RALGAPA1: variants seen among roughly 807,000 people sequenced by gnomAD.
RALGAPA1 encodes the protein Ral GTPase activating protein catalytic subunit alpha 1.
A neutral mutation model predicts 269.6 loss-of-function variants in RALGAPA1; 52 were observed. The observed-to-expected ratio is 0.19, with a 90% confidence interval of 0.15 to 0.24. RALGAPA1 has a LOEUF of 0.24. Among genes scored for constraint, RALGAPA1 ranks in the 10% least tolerant of loss-of-function variants. RALGAPA1 has a pLI of 1.00. For synonymous variants in RALGAPA1, 817 were observed against 1,008.3 expected (o/e 0.81, Z 3.60); for missense variants, 1,917 against 3,013.9 (o/e 0.64, Z 8.52).
At chr14:35,802,010 C>T (rs996557957) in intron 1 of RALGAPA1, among the ~76,000 whole-genome samples, 6 of 152,124 alleles carry the variant, frequency 3.9e-5, no homozygotes, top group African/African-American at 1.4e-4. Context: ...AAAGAATCTA[C>T]AAAAAACTAA....
chr14:35,565,541 G>T (rs1333430206), intron 39 of RALGAPA1, among the ~76,000 whole-genome samples: 1 of 152,040 alleles, frequency 6.6e-6, no homozygotes, highest in East Asian at 1.9e-4. Context: ...AGAGAATTCT[G>T]CCTTCAGACT....
At chr14:35,804,396 C>T (rs181583925) in intron 1 of RALGAPA1, among the ~76,000 whole-genome samples, 116 of 151,726 alleles carry the variant, frequency 7.6e-4, no homozygotes, top group African/African-American at 2.6e-3. Context: ...TGGTGAAACC[C>T]TGTCTCTACT....
chr14:35,781,475 T>C (rs2075421861), intron 1 of RALGAPA1, among the ~76,000 whole-genome samples: 1 of 152,114 alleles, frequency 6.6e-6, no homozygotes, highest in African/African-American at 2.4e-5. Flanking sequence ...AGGCCAATAT[T>C]CTCATATGAA....
intron 37 of RALGAPA1, among the ~76,000 whole-genome samples, chr14:35,590,346 CAA>C (rs891019456): frequency 3.3e-5 from 5 of 152,172 alleles, no homozygotes; most frequent in African/African-American, 1.2e-4. Flanking sequence ...AAAATGTAAA[CAA>C]AAGGCATAAA....
intron 16 of RALGAPA1, among the ~76,000 whole-genome samples, chr14:35,718,720 G>A (rs2140926974): frequency 6.6e-6 from 1 of 152,182 alleles, no homozygotes; most frequent in South Asian, 2.1e-4. Flanking sequence ...GGAGGCTGAG[G>A]CAGGAGAATT....
At chr14:35,613,873 T>C (rs1216686478) in intron 35 of RALGAPA1, among the ~76,000 whole-genome samples, 1 of 152,154 alleles carries the variant, frequency 6.6e-6, no homozygotes, top group Non-Finnish European at 1.5e-5. Flanking sequence ...AATAGGCATT[T>C]TTTCAAAGAA....
At chr14:35,667,672 T>C (rs1054452086) in intron 26 of RALGAPA1, among the ~76,000 whole-genome samples, 1 of 152,210 alleles carries the variant, frequency 6.6e-6, no homozygotes, top group Admixed American at 6.5e-5. Context: ...AGATCTAAAG[T>C]ACCTTTCTAA....
chr14:35,783,979 C>G (rs776588996), intron 1 of RALGAPA1, among the ~76,000 whole-genome samples: 1 of 151,948 alleles, frequency 6.6e-6, no homozygotes, highest in Non-Finnish European at 1.5e-5. Flanking sequence ...AATGATGAAG[C>G]CACTCTGGAA....
chr14:35,638,219 GA>G (rs2139787262), intron 31 of RALGAPA1, among the ~76,000 whole-genome samples: 1 of 152,228 alleles, frequency 6.6e-6, no homozygotes, highest in East Asian at 1.9e-4. Context: ...TATTGAAGTA[GA>G]AAGATGAAAA....
At chr14:35,560,342 CT>C (rs993764122) in intron 39 of RALGAPA1, among the ~76,000 whole-genome samples, 5 of 152,136 alleles carry the variant, frequency 3.3e-5, no homozygotes, top group African/African-American at 1.2e-4. Context: ...TACTGAACAC[CT>C]TTTATCTCTT....
chr14:35,562,708 T>C (rs1405641021), intron 39 of RALGAPA1, among the ~76,000 whole-genome samples: 3 of 151,946 alleles, frequency 2.0e-5, no homozygotes. Context: ...ACAAAAAATA[T>C]TTGGGGCTTT....
intron 35 of RALGAPA1, among the ~76,000 whole-genome samples, chr14:35,622,994 A>T (rs2060735184): frequency 6.6e-6 from 1 of 151,714 alleles, no homozygotes; most frequent in South Asian, 2.1e-4. Flanking sequence ...AGGCACATGA[A>T]TCACTTGAAC....
Position 35,642,384 on chromosome 14 carries a change from C to G in RALGAPA1, c.5677-6786G>C, listed in dbSNP as rs185456726. Among the ~76,000 whole-genome samples the G allele has an allele frequency of 3.7e-3, 569 of 152,112 alleles. 2 individuals are homozygous for G. The highest frequency in any genetic ancestry group is 0.013 in the African/African-American group (524 of 41,510). ...AACCAGAATATACAAGGAACTCAAACAACACTACAGAAAAAATTCTAACAA... is the reference window on the plus strand; with the variant it reads ...AACCAGAATATACAAGGAACTCAAAGAACACTACAGAAAAAATTCTAACAA... On this transcript the variant is annotated intron_variant, in intron 31 of 41. Coordinates refer to ENST00000680220, the MANE Select transcript of RALGAPA1 (RefSeq NM_001346249.2).
intron 38 of RALGAPA1, among the ~76,000 whole-genome samples, chr14:35,571,723 C>A (rs1193598619): frequency 1.3e-5 from 2 of 152,014 alleles, no homozygotes; most frequent in East Asian, 1.9e-4. Flanking sequence ...ACCACCACCA[C>A]CACCAACAAA....
intron 22 of RALGAPA1, chr14:35,677,630 C>T (rs1391620533): frequency 4.0e-6 from 1 of 252,440 alleles, no homozygotes; most frequent in Non-Finnish European, 7.4e-6. Flanking sequence ...AGGTATAAAA[C>T]TAAGAATAAG....
chr14:35,549,192 G>C lies in RALGAPA1; in HGVS notation c.7539C>G (p.His2513Gln). Residue 2513 changes from histidine to glutamine, a missense_variant, in exon 40 of 42, where the codon CAC (histidine) becomes CAG (glutamine). Physicochemically the swap from His to Gln is conservative, Grantham distance 24 (BLOSUM62 0). Around this residue, in one of 11 missense-constraint regions of RALGAPA1, gnomAD observed 91 missense variants for 130.9 expected, o/e 0.70. Coordinates refer to ENST00000680220, the MANE Select transcript of RALGAPA1 (RefSeq NM_001346249.2). ...CTTCAAATGTTGTTGGTTCTAAGTG[G>C]TGCTGGACAATTGTTTGCAGGTATC... The part of the protein sequence containing the change: ...RARYLQTIVQ[H>Q]HLEPTTFEDF... 1 of 1,612,774 alleles carries C rather than the reference G, an allele frequency of 6.2e-7. No homozygotes were observed. The highest frequency in any genetic ancestry group is 8.5e-7 in the Non-Finnish European group (1 of 1,179,210).
chr14:35,617,486 C>T (rs1166259909), intron 35 of RALGAPA1, among the ~76,000 whole-genome samples: 8 of 151,906 alleles, frequency 5.3e-5, no homozygotes, highest in Non-Finnish European at 1.2e-4. Flanking sequence ...GGCGTGGTGG[C>T]GCATGCCTGT....
intron 1 of RALGAPA1, among the ~76,000 whole-genome samples, chr14:35,802,059 C>T (rs1394603695): frequency 6.6e-6 from 1 of 152,206 alleles, no homozygotes; most frequent in African/African-American, 2.4e-5. Context: ...CCTGTAATCC[C>T]AGGACTTTGG....
At chr14:35,687,702 T>C (rs957630318) in intron 18 of RALGAPA1, among the ~76,000 whole-genome samples, 1 of 152,224 alleles carries the variant, frequency 6.6e-6, no homozygotes, top group African/African-American at 2.4e-5. Flanking sequence ...TTGCTTTCTG[T>C]TATCTGTCCA....
Sources: gnomAD v4.1 joint callset for allele counts (sites outside exome capture counted in the v4.1 genomes callset) on GRCh38, gnomAD v4.1.1 for gene constraint, gnomAD v4.1.1 regional missense constraint, MANE v1.5 for transcripts, NCBI Gene and HGNC (gene_info 2026-07-23, HGNC 2026-07-21) for gene names.